The following FXN variants were observed in gnomAD, a reference collection of about 807,000 sequenced individuals.
FXN encodes the protein frataxin, also known as frataxin, mitochondrial.
Under a neutral mutation model 22.4 loss-of-function variants are expected in FXN, and 14 were observed. That is an observed-to-expected ratio of 0.62 (90% CI 0.41 to 0.98). The LOEUF (loss-of-function observed/expected upper bound fraction) is 0.98, where lower values mean the gene tolerates loss of function less well. Among genes scored for constraint, FXN ranks in the 50% least tolerant of loss-of-function variants. FXN has a pLI of 0.00. For missense variants in FXN, 267 were observed against 268.4 expected, an observed-to-expected ratio of 0.99 and a Z score of 0.04; for synonymous variants, 120 against 114.1, an observed-to-expected ratio of 1.05 and a Z score of -0.33.
At chr9:69,038,754 G>A (rs1360223908) in intron 1 of FXN, among the ~76,000 whole-genome samples, 1 of 152,068 alleles carries the variant, frequency 6.6e-6, no homozygotes, top group East Asian at 1.9e-4. Flanking sequence ...GGAGGCAGAG[G>A]TTGCAGTGAG....
chr9:69,056,206 C>CT (rs1164063862), intron 3 of FXN, among the ~76,000 whole-genome samples: 9 of 152,140 alleles, frequency 5.9e-5, no homozygotes, highest in Non-Finnish European at 1.3e-4. Flanking sequence ...GAAAGGAGGA[C>CT]TATTTCTAAA....
rs1426599331 is a variant in FXN at position 69,074,388 on chromosome 9, G to A, written c.*1626G>A. 1 of 984,842 alleles carries A rather than the reference G, an allele frequency of 1.0e-6. No homozygotes were observed. Among genetic ancestry groups the A allele is most frequent in the Non-Finnish European group, 1.2e-6 (1 of 829,642 alleles). The allele number at this position is 984,842 out of a possible 1,614,324, so 61.0% of individuals were successfully genotyped here. On this transcript the variant is annotated 3_prime_UTR_variant, in exon 5 of 5. Coordinates refer to ENST00000484259, the MANE Select transcript of FXN (RefSeq NM_000144.5). ...TTACTTAAAGAAGGATTTATTAGTG[G>A]CTGGGCATGGTGGCGTGCACCTGTA...
chr9:69,076,503 G>C lies in FXN; in HGVS notation c.*3741G>C. The C allele has an allele frequency of 2.0e-6, 2 of 985,240 alleles. No individual in the cohort carries two copies. The highest frequency in any genetic ancestry group is 2.4e-6 in the Non-Finnish European group (2 of 829,824). The allele number at this position is 985,240 out of a possible 1,614,324, so 61.0% of individuals were successfully genotyped here. A position where few individuals can be genotyped will look rare whatever the true frequency, so the allele number is the denominator to read the frequency against. ...GCCTTACCATGCTTATATTTTACTT[G>C]ATCTTTTGCATACCTTCTAAAACTA... On this transcript the variant is annotated 3_prime_UTR_variant, in exon 5 of 5. Transcript: ENST00000484259.
chr9:69,069,188 AC>A lies in FXN; in HGVS notation c.483-3421del, dbSNP rs764452894. 7.9e-5 allele frequency among the ~76,000 whole-genome samples: 12 copies of A among 152,290 alleles called. No homozygotes were observed. The East Asian group carries it at 1.5e-3, about 20-fold the overall frequency. ...AGACCAGCCTGGGCAACATAGTGAA[AC>A]CCTGTCTCTACTAAAAATACAAAAA... On this transcript the variant is annotated intron_variant, in intron 4 of 4. Coordinates refer to ENST00000484259, the MANE Select transcript of FXN (RefSeq NM_000144.5).
At position 69,078,096 on chromosome 9, in the gene FXN, G is replaced by A. The variant is rs924665317; in HGVS notation, c.*5334G>A. 2.8e-5 allele frequency: 28 copies of A among 985,234 alleles called. No homozygotes were observed. The highest frequency in any genetic ancestry group is 3.4e-5 in the Non-Finnish European group (28 of 829,922). The allele number at this position is 985,234 out of a possible 1,614,324, so 61.0% of individuals were successfully genotyped here. ...GGCTTAAATAAAACCCTAAGAGAAA[G>A]AAAAACTTTAAATCCCTCCAAAGCT... On this transcript the variant is annotated 3_prime_UTR_variant, in exon 5 of 5. Transcript: ENST00000484259.
In FXN at chr9:69,043,565, C is replaced by T. The variant is rs769842953; in HGVS notation, c.166-2820C>T. ...TCCTGAGTAGCTGGGACTACAGGTA[C>T]ACCCCACCACACCCAGATAATGTTT... On this transcript the variant is annotated intron_variant, in intron 1 of 4. Coordinates refer to ENST00000484259, the MANE Select transcript of FXN (RefSeq NM_000144.5). The T allele has an allele frequency of 7.1e-4, 108 of 152,204 alleles. 2 individuals carry two copies. Among genetic ancestry groups the T allele is most frequent in the Middle Eastern group, 3.4e-3 (1 of 294 alleles). 9.4% of individuals were successfully genotyped at this position (152,204 alleles called of 1,614,324 possible). A position where few individuals can be genotyped will look rare whatever the true frequency, so the allele number is the denominator to read the frequency against.
At chr9:69,051,143 G>A (rs1438433797) in intron 2 of FXN, among the ~76,000 whole-genome samples, 1 of 152,158 alleles carries the variant, frequency 6.6e-6, no homozygotes. Context: ...TGTCACCCAG[G>A]ATGGAATGCA....
intron 4 of FXN, chr9:69,071,180 G>A (rs752095986): frequency 1.3e-5 from 7 of 518,926 alleles, no homozygotes; most frequent in Non-Finnish European, 2.3e-5. Context: ...CAACCCGATA[G>A]CAGTATCAGA....
chr9:69,074,744 A>G lies in FXN; in HGVS notation c.*1982A>G, dbSNP rs1832336489. ...GCAAGATCCTATCTCTTAAAAAAAG[A>G]AAAAAAAACCTATTAATAATAAAAC... is the stretch of plus-strand genomic sequence containing the variant. On this transcript the variant is annotated 3_prime_UTR_variant, in exon 5 of 5. Transcript: ENST00000484259. 1 of 790,842 alleles carries G rather than the reference A, an allele frequency of 1.3e-6. No homozygotes were observed. The highest frequency in any genetic ancestry group is 1.4e-6 in the Non-Finnish European group (1 of 701,592). 49.0% of individuals were successfully genotyped at this position (790,842 alleles called of 1,614,324 possible).
intron 3 of FXN, among the ~76,000 whole-genome samples, chr9:69,060,012 G>A (rs1181382595): frequency 6.6e-6 from 1 of 152,152 alleles, no homozygotes; most frequent in African/African-American, 2.4e-5. Flanking sequence ...GTGAGCTAGT[G>A]ACAACAGTAA....
At chr9:69,046,524 T>A in intron 2 of FXN, 42 bp downstream of exon 2, 1 of 1,376,460 alleles carries the variant, frequency 7.3e-7, no homozygotes, top group Non-Finnish European at 1.0e-6. Flanking sequence ...TCTTCCTCTC[T>A]CCTTCCCTGC....
chr9:69,051,054 A>T (rs1831840414), intron 2 of FXN, among the ~76,000 whole-genome samples: 1 of 152,186 alleles, frequency 6.6e-6, no homozygotes, highest in Admixed American at 6.5e-5. Flanking sequence ...TGCTGGGATT[A>T]CAGGCATGAG....
In FXN at chr9:69,064,954, T is replaced by G. The variant is rs1316786478; in HGVS notation, c.401T>G (p.Val134Gly). The change falls in exon 4 of 5, where the codon GTC becomes GGC. Residue 134 changes from valine to glycine, a missense_variant. By Grantham distance (109) the Val-to-Gly change is moderately radical. Transcript: ENST00000484259. ...DVSFGSGVLT[V>G]KLGGDLGTYV... is the part of the protein sequence containing the mutation. Reference sequence around the variant, plus strand: ...ATCCCCTAGAGTGGTGTCTTAACTGTCAAACTGGGTGGAGATCTAGGAACC... The same window carrying G: ...ATCCCCTAGAGTGGTGTCTTAACTGGCAAACTGGGTGGAGATCTAGGAACC... 1.9e-6 allele frequency: 3 copies of G among 1,613,364 alleles called. No individual in the cohort carries two copies. In the East Asian group the frequency reaches 6.7e-5, roughly 36 times the overall value.
At chr9:69,046,059 G>A (rs561879829) in intron 1 of FXN, among the ~76,000 whole-genome samples, 3 of 152,286 alleles carry the variant, frequency 2.0e-5, no homozygotes, top group African/African-American at 7.2e-5. Context: ...TTTGGTCTGC[G>A]AATCTACTGT....
rs1336701991 is a variant in FXN at position 69,077,215 on chromosome 9, A to C, written c.*4453A>C. 3 of 985,116 alleles carry C rather than the reference A, an allele frequency of 3.0e-6. No individual in the cohort carries two copies. In the African/African-American group the frequency reaches 5.2e-5, roughly 17 times the overall value. 61.0% of individuals were successfully genotyped at this position (985,116 alleles called of 1,614,324 possible). A position where few individuals can be genotyped will look rare whatever the true frequency, so the allele number is the denominator to read the frequency against. ...GCGTGAGCCACTGCACCCAGCCAGA[A>C]ATGCCTTCTAATCTTTGGTTTATCT... On this transcript the variant is annotated 3_prime_UTR_variant, in exon 5 of 5. Transcript: ENST00000484259.
At chr9:69,072,444 T>C (rs1832291931) in intron 4 of FXN, among the ~76,000 whole-genome samples, 168 bp from the exon 5 acceptor site, 1 of 151,706 alleles carries the variant, frequency 6.6e-6, no homozygotes, top group South Asian at 2.1e-4. Context: ...ATATATCGTA[T>C]AACTCTTCTT....
chr9:69,072,030 C>T (rs1274718228), intron 4 of FXN, among the ~76,000 whole-genome samples: 2 of 152,134 alleles, frequency 1.3e-5, no homozygotes, highest in African/African-American at 2.4e-5. Context: ...GACTTGAGTA[C>T]CCACGGATTT....
At chr9:69,038,028 G>T (rs1199233942) in intron 1 of FXN, among the ~76,000 whole-genome samples, 1 of 152,244 alleles carries the variant, frequency 6.6e-6, no homozygotes, top group Non-Finnish European at 1.5e-5. Context: ...GCTGTTAAGG[G>T]CTATTGACTG....
intron 1 of FXN, among the ~76,000 whole-genome samples, chr9:69,036,642 A>T (rs1200894422): frequency 6.6e-6 from 1 of 152,232 alleles, no homozygotes; most frequent in African/African-American, 2.4e-5. Flanking sequence ...GAGAAGATAA[A>T]GGTGACGCCC....
Sources: gnomAD v4.1 joint callset for allele counts (sites outside exome capture counted in the v4.1 genomes callset) on GRCh38, gnomAD v4.1.1 for gene constraint, MANE v1.5 for transcripts, NCBI Gene and HGNC (gene_info 2026-07-23, HGNC 2026-07-21) for gene names.